The following RHOA variants were observed in gnomAD, a reference collection of about 807,000 sequenced individuals.
The protein encoded by RHOA is transforming protein RhoA.
Under a neutral mutation model 17.5 loss-of-function variants are expected in RHOA, and 3 were observed. That is an observed-to-expected ratio of 0.17 (90% confidence interval 0.08 to 0.44). The LOEUF is 0.44. Ranked by LOEUF, RHOA falls within the 20% of genes least tolerant of loss-of-function variation. The pLI is 0.99. For synonymous variants in RHOA, 98 were observed against 88.4 expected (o/e 1.11, Z -0.61); for missense variants, 56 against 242.3 (o/e 0.23, Z 5.10).
chr3:49,407,728 C>T (rs573505804), intron 1 of RHOA, among the ~76,000 whole-genome samples: 1 of 152,116 alleles, frequency 6.6e-6, no homozygotes, highest in East Asian at 1.9e-4. Flanking sequence ...TCCTAAAGGC[C>T]CTATATGATT....
intron 1 of RHOA, among the ~76,000 whole-genome samples, chr3:49,382,342 A>T (rs760383668): frequency 1.3e-4 from 20 of 151,310 alleles, no homozygotes; most frequent in Non-Finnish European, 2.1e-4. Flanking sequence ...TAAATAAAAT[A>T]AAAAAATAGA....
chr3:49,372,727 C>G (rs919825683), intron 2 of RHOA, among the ~76,000 whole-genome samples: 3 of 100,122 alleles, frequency 3.0e-5, no homozygotes, highest in Admixed American at 1.5e-4. Flanking sequence ...GAGCGAGACT[C>G]TGTCTCAAAA....
rs2107838592 is a variant in RHOA, at chr3:49,368,489, G to A, written c.216C>T (p.Leu72=). The A allele has an allele frequency of 6.2e-7, 1 of 1,613,984 alleles. No homozygotes were observed. Among genetic ancestry groups the A allele is most frequent in the Non-Finnish European group, 8.5e-7 (1 of 1,179,958 alleles). ...GTATAACATCGGTATCTGGGTAGGA[G>A]AGGGGCCTCAGGCGATCATAATCTT... ...GQEDYDRLRP[L]SYPDTDVILM... is the part of the protein sequence containing the mutation. The change falls in exon 3 of 5, where the codon CTC becomes CTT. Residue 72 remains leucine (L), a synonymous_variant. Coordinates refer to ENST00000418115, the MANE Select transcript of RHOA (RefSeq NM_001664.4).
chr3:49,400,973 G>A (rs2048713717), intron 1 of RHOA, among the ~76,000 whole-genome samples: 1 of 135,750 alleles, frequency 7.4e-6, no homozygotes, highest in Admixed American at 8.6e-5. Flanking sequence ...GTGAACCCGG[G>A]AGGCAGAACT....
At chr3:49,401,816 A>G (rs2048728653) in intron 1 of RHOA, among the ~76,000 whole-genome samples, 1 of 152,132 alleles carries the variant, frequency 6.6e-6, no homozygotes, top group Non-Finnish European at 1.5e-5. Flanking sequence ...CAAATCCAAA[A>G]ATTGAAAGTC....
chr3:49,367,476 C>A (rs1425939378), intron 3 of RHOA, among the ~76,000 whole-genome samples: 1 of 151,310 alleles, frequency 6.6e-6, no homozygotes, highest in Non-Finnish European at 1.5e-5. Context: ...TAAGACAGGG[C>A]AACCAAAAAA....
chr3:49,384,750 C>T (rs1010600528), intron 1 of RHOA, among the ~76,000 whole-genome samples: 35 of 151,964 alleles, frequency 2.3e-4, no homozygotes, highest in African/African-American at 7.3e-4. Flanking sequence ...TCAAGTGATG[C>T]CCCCACTTTC....
intron 3 of RHOA, among the ~76,000 whole-genome samples, chr3:49,367,685 C>A (rs2048081940): frequency 6.6e-6 from 1 of 151,746 alleles, no homozygotes; most frequent in Admixed American, 6.6e-5. Flanking sequence ...CCACACCCAG[C>A]TAATTTTTGT....
chr3:49,376,867 G>A (rs900730307), intron 1 of RHOA, among the ~76,000 whole-genome samples: 5 of 151,926 alleles, frequency 3.3e-5, no homozygotes, highest in Admixed American at 1.3e-4. Context: ...GGTGGCTCAC[G>A]CCTATAATCC....
intron 1 of RHOA, among the ~76,000 whole-genome samples, chr3:49,380,574 G>C (rs1464072888): frequency 6.6e-6 from 1 of 151,408 alleles, no homozygotes. Flanking sequence ...GCGTGGTGGG[G>C]TGAGGCAAGA....
intron 1 of RHOA, among the ~76,000 whole-genome samples, chr3:49,379,914 G>GA (rs952398266): frequency 1.5e-4 from 23 of 152,286 alleles, no homozygotes; most frequent in African/African-American, 5.5e-4. Context: ...CCAGTGGGGG[G>GA]AAAAAAGAGA....
At chr3:49,393,242 T>TAG (rs2048539954) in intron 1 of RHOA, among the ~76,000 whole-genome samples, 1 of 152,064 alleles carries the variant, frequency 6.6e-6, no homozygotes, top group Non-Finnish European at 1.5e-5. Context: ...GCTTCCTTCT[T>TAG]AGTCACTCTG....
chr3:49,368,558 G>C lies in RHOA; in HGVS notation c.157-10C>G, dbSNP rs763048300. On this transcript the variant is annotated splice_polypyrimidine_tract_variant and intron_variant, in intron 2 of 4. Transcript: ENST00000418115. ...ACAAAGCCAACTCTACCTGTAATGG[G>C]AAAAACAACCACAAGAGTGCAAGGT... 6.2e-7 allele frequency: 1 copy of C among 1,613,806 alleles called. No individual in the cohort carries two copies. Among genetic ancestry groups the C allele is most frequent in the South Asian group, 1.1e-5 (1 of 91,076 alleles).
At chr3:49,403,736 G>A (rs2048765546) in intron 1 of RHOA, among the ~76,000 whole-genome samples, 2 of 151,860 alleles carry the variant, frequency 1.3e-5, no homozygotes, top group South Asian at 4.1e-4. Context: ...AAAAAAATAA[G>A]AACAAAAAAA....
intron 1 of RHOA, among the ~76,000 whole-genome samples, chr3:49,401,168 T>C (rs973906007): frequency 1.3e-5 from 2 of 152,102 alleles, no homozygotes; most frequent in Non-Finnish European, 2.9e-5. Flanking sequence ...ACCCTTCTTT[T>C]CTGAATTGAC....
chr3:49,385,144 G>A (rs1199903041), intron 1 of RHOA, among the ~76,000 whole-genome samples: 2 of 151,850 alleles, frequency 1.3e-5, no homozygotes. Flanking sequence ...CTAGCCTCAA[G>A]TGATTCTCCC....
intron 1 of RHOA, among the ~76,000 whole-genome samples, chr3:49,396,410 C>T (rs1046399156): frequency 6.6e-6 from 1 of 151,912 alleles, no homozygotes. Flanking sequence ...CCTGACTCTA[C>T]TAAAAATACA....
intron 1 of RHOA, among the ~76,000 whole-genome samples, chr3:49,390,104 A>C (rs1005687926): frequency 6.6e-6 from 1 of 151,960 alleles, no homozygotes; most frequent in Non-Finnish European, 1.5e-5. Context: ...AGACTGTGAG[A>C]AGCAAATAGC....
chr3:49,397,719 A>C (rs987163452), intron 1 of RHOA, among the ~76,000 whole-genome samples: 1 of 152,138 alleles, frequency 6.6e-6, no homozygotes, highest in Non-Finnish European at 1.5e-5. Flanking sequence ...CTAGAGCAAC[A>C]TTACGAGATT....
Sources: gnomAD v4.1 joint callset for allele counts (sites outside exome capture counted in the v4.1 genomes callset) on GRCh38, gnomAD v4.1.1 for gene constraint, MANE v1.5 for transcripts, NCBI Gene and HGNC (gene_info 2026-07-23, HGNC 2026-07-21) for gene names.